EYA4: variants seen among roughly 807,000 people sequenced by gnomAD.
EYA4 encodes protein phosphatase EYA4.
A neutral mutation model predicts 87.9 loss-of-function variants in EYA4; 31 were observed. The observed-to-expected ratio is 0.35, with a 90% CI of 0.27 to 0.48. The LOEUF is 0.48. Among genes scored for constraint, EYA4 ranks in the 20% least tolerant of loss-of-function variants. The probability of loss-of-function intolerance (pLI) is 0.99; values close to 1 mark genes in which losing one functional copy is unlikely to be tolerated. For synonymous variants in EYA4, 263 were observed against 270.6 expected (o/e 0.97, Z 0.28); for missense variants, 678 against 761.4 (o/e 0.89, Z 1.29).
intron 5 of EYA4, among the ~76,000 whole-genome samples, chr6:133,455,419 A>G (rs1793816163): frequency 6.6e-6 from 1 of 152,174 alleles, no homozygotes; most frequent in Non-Finnish European, 1.5e-5. Flanking sequence ...CATGTCATTA[A>G]TAAATAATGG....
Position 133,356,799 on chromosome 6 carries a change from A to T in EYA4, c.34-25593A>T, listed in dbSNP as rs1254914770. Among the ~76,000 whole-genome samples, 3 of 141,630 alleles carry T rather than the reference A, an allele frequency of 2.1e-5. 1 individual carries two copies. The highest frequency in any genetic ancestry group is 7.1e-5 in the Admixed American group (1 of 14,166). 92.9% of individuals were successfully genotyped at this position (141,630 alleles called of 152,430 possible). ...TGTGTGTGTGTGTGTGTGTATATAT[A>T]TATTTTATTTTTATTTTTTTTGAGA... On this transcript the variant is annotated intron_variant, in intron 2 of 19. Coordinates refer to ENST00000355286, the MANE Select transcript of EYA4 (RefSeq NM_004100.5).
rs536708788 is a variant in EYA4 at position 133,464,535 on chromosome 6, A to G, written c.725-244A>G. The stretch of plus-strand genomic sequence containing the variant: ...CTCTTAACCCTTGAATGTTGGCCTC[A>G]CTCCTTATGAAGACTGTTCCCATGT... On this transcript the variant is annotated intron_variant, in intron 9 of 19. Transcript: ENST00000355286. Among the ~76,000 whole-genome samples, 3 of 152,066 alleles carry G rather than the reference A, an allele frequency of 2.0e-5. No individual in the cohort carries two copies. The South Asian group carries it at 6.2e-4, about 32-fold the overall frequency.
chr6:133,327,398 C>T (rs1172536305), intron 2 of EYA4, among the ~76,000 whole-genome samples: 1 of 152,084 alleles, frequency 6.6e-6, no homozygotes, highest in Non-Finnish European at 1.5e-5. Flanking sequence ...TCCCAAAGTG[C>T]TGGGATTACA....
chr6:133,343,739 C>A (rs1782990770), intron 2 of EYA4, among the ~76,000 whole-genome samples: 2 of 151,804 alleles, frequency 1.3e-5, no homozygotes, highest in South Asian at 4.2e-4. Context: ...GATAGTGGTT[C>A]CTGTTTCAAA....
At chr6:133,472,578 G>T (rs1444140833) in intron 11 of EYA4, among the ~76,000 whole-genome samples, 19 of 44,344 alleles carry the variant, frequency 4.3e-4, no homozygotes, top group Non-Finnish European at 6.4e-4. Context: ...CTGTTGATTT[G>T]GGGTGGAGAG....
chr6:133,340,131 G>A lies in EYA4; in HGVS notation c.34-42261G>A, dbSNP rs543140980. 9.2e-5 allele frequency among the ~76,000 whole-genome samples: 14 copies of A among 152,240 alleles called. 1 individual carries two copies. The highest frequency in any genetic ancestry group is 2.6e-4 in the African/African-American group (11 of 41,546). The stretch of plus-strand genomic sequence containing the variant: ...TCATATCCATTACAGGGGTTAAAAC[G>A]AAATTGTCTCTAATGTTAAGACTAT... On this transcript the variant is annotated intron_variant, in intron 2 of 19. Transcript: ENST00000355286.
At chr6:133,394,153 C>G (rs888165747) in intron 3 of EYA4, among the ~76,000 whole-genome samples, 7 of 151,972 alleles carry the variant, frequency 4.6e-5, no homozygotes, top group Non-Finnish European at 8.8e-5. Flanking sequence ...GCTTACTGTG[C>G]CAAATAACTG....
At chr6:133,425,886 C>T (rs1360964486) in intron 3 of EYA4, among the ~76,000 whole-genome samples, 1 of 150,766 alleles carries the variant, frequency 6.6e-6, no homozygotes, top group Middle Eastern at 3.2e-3. Context: ...ATTCAGACTT[C>T]GTGGGATAGC....
intron 4 of EYA4, among the ~76,000 whole-genome samples, chr6:133,447,494 A>G (rs1199808338): frequency 1.3e-5 from 2 of 152,188 alleles, no homozygotes; most frequent in Non-Finnish European, 2.9e-5. Flanking sequence ...ATTATTCACA[A>G]TTTGAAATTT....
chr6:133,258,041 A>G (rs1312280311), intron 1 of EYA4, among the ~76,000 whole-genome samples: 2 of 152,196 alleles, frequency 1.3e-5, no homozygotes, highest in African/African-American at 4.8e-5. Context: ...ACGATCATGA[A>G]AAAGAAATTA....
intron 1 of EYA4, among the ~76,000 whole-genome samples, chr6:133,261,108 A>G (rs1475507674): frequency 6.6e-6 from 1 of 151,764 alleles, no homozygotes; most frequent in South Asian, 2.1e-4. Context: ...CCTCATATCC[A>G]CTTCTCCAGG....
At chr6:133,346,269 G>A (rs1166632872) in intron 2 of EYA4, among the ~76,000 whole-genome samples, 1 of 152,076 alleles carries the variant, frequency 6.6e-6, no homozygotes, top group Non-Finnish European at 1.5e-5. Context: ...GGTCAGATTT[G>A]GGGCTAAAAT....
chr6:133,324,945 C>G (rs1781383842), intron 2 of EYA4, among the ~76,000 whole-genome samples: 1 of 136,930 alleles, frequency 7.3e-6, no homozygotes, highest in Non-Finnish European at 1.5e-5. Context: ...GAGTCTCGCC[C>G]TGTCCCCCAG....
At chr6:133,326,150 C>T (rs1781482330) in intron 2 of EYA4, among the ~76,000 whole-genome samples, 1 of 152,188 alleles carries the variant, frequency 6.6e-6, no homozygotes, top group African/African-American at 2.4e-5. Context: ...TGCCTTTCAC[C>T]CTTCTGGCCA....
At chr6:133,400,745 T>G (rs1050846216) in intron 3 of EYA4, among the ~76,000 whole-genome samples, 1 of 152,172 alleles carries the variant, frequency 6.6e-6, no homozygotes, top group Non-Finnish European at 1.5e-5. Context: ...GGAGATATCT[T>G]AAATTGTTAT....
intron 2 of EYA4, among the ~76,000 whole-genome samples, chr6:133,308,293 A>T (rs1365439623): frequency 6.6e-6 from 1 of 152,204 alleles, no homozygotes; most frequent in Non-Finnish European, 1.5e-5. Flanking sequence ...TATAGCTAGG[A>T]TCAGAGAGGT....
At chr6:133,267,629 C>T (rs1029611807) in intron 1 of EYA4, among the ~76,000 whole-genome samples, 6 of 152,096 alleles carry the variant, frequency 3.9e-5, no homozygotes, top group African/African-American at 1.4e-4. Context: ...GTGATCCGCC[C>T]ACCTCGGCCT....
chr6:133,523,530 A>G (rs2128812858), intron 18 of EYA4, among the ~76,000 whole-genome samples: 1 of 152,330 alleles, frequency 6.6e-6, no homozygotes, highest in African/African-American at 2.4e-5. Flanking sequence ...CCAAGATAAA[A>G]ATACAATTTT....
At chr6:133,514,334 C>T (rs1021052752) in intron 16 of EYA4, among the ~76,000 whole-genome samples, 21 of 152,088 alleles carry the variant, frequency 1.4e-4, no homozygotes, top group African/African-American at 4.8e-4. Flanking sequence ...AAATAAATAT[C>T]CCCTTGGGAA....
Sources: gnomAD v4.1 joint callset for allele counts (sites outside exome capture counted in the v4.1 genomes callset) on GRCh38, gnomAD v4.1.1 for gene constraint, MANE v1.5 for transcripts, NCBI Gene and HGNC (gene_info 2026-07-23, HGNC 2026-07-21) for gene names.